The following FKBP1B variants were observed in gnomAD, a reference collection of about 807,000 sequenced individuals.
FKBP1B encodes the protein FKBP prolyl isomerase 1B.
Under a neutral mutation model 13.5 loss-of-function variants are expected in FKBP1B, and 4 were observed. The observed-to-expected ratio is 0.30, with a 90% CI of 0.15 to 0.68. The LOEUF is 0.68. FKBP1B is among the 30% of genes least tolerant of loss of function. FKBP1B has a pLI of 0.76. For synonymous variants in FKBP1B, 54 were observed against 53.6 expected (o/e 1.01, Z -0.03); for missense variants, 93 against 136.2 (o/e 0.68, Z 1.58).
chr2:24,043,474 A>G, the FKBP1B span, among the ~76,000 whole-genome samples: 1 of 150,860 alleles, frequency 6.6e-6, no homozygotes, highest in African/African-American at 2.5e-5. Context: ...ACAACACAGC[A>G]AGATACTGTC....
At chr2:24,039,110 TC>T in the FKBP1B span, 1 of 1,614,118 alleles carries the variant, frequency 6.2e-7, no homozygotes, top group Non-Finnish European at 8.5e-7. Flanking sequence ...GTCAACACAG[TC>T]AGAATAGCAC....
the FKBP1B span, among the ~76,000 whole-genome samples, chr2:24,039,834 G>C: frequency 3.0e-3 from 448 of 151,300 alleles, 2 homozygotes; most frequent in African/African-American, 0.01. Context: ...TCTCACTCTT[G>C]TTGCTCAGGC....
At chr2:24,056,723 T>C (rs773927822) in intron 2 of FKBP1B, among the ~76,000 whole-genome samples, 2 of 151,934 alleles carry the variant, frequency 1.3e-5, no homozygotes. Context: ...AGAGTTTCAC[T>C]CTTGTTGCTC....
chr2:24,044,996 A>G (rs1663567425), upstream of FKBP1B, among the ~76,000 whole-genome samples: 2 of 152,316 alleles, frequency 1.3e-5, no homozygotes, highest in South Asian at 4.1e-4. Context: ...CTCTGATCAT[A>G]AAGGGCATGC....
chr2:24,061,853 C>T (rs1056203855), intron 3 of FKBP1B, among the ~76,000 whole-genome samples: 2 of 151,862 alleles, frequency 1.3e-5, no homozygotes, highest in African/African-American at 4.8e-5. Flanking sequence ...CTATGATGCT[C>T]CCTTACGATA....
At chr2:24,054,113 T>G in intron 2 of FKBP1B, 164 bp downstream of exon 2, 1 of 739,840 alleles carries the variant, frequency 1.4e-6, no homozygotes, top group South Asian at 1.5e-5. Context: ...GCCAGTCTAG[T>G]GGGAATGATA....
At position 24,055,412 on chromosome 2, in the gene FKBP1B, G is replaced by A. The variant is rs945176292; in HGVS notation, c.85+1463G>A. Among the ~76,000 whole-genome samples, 6 of 152,038 alleles carry A rather than the reference G, an allele frequency of 3.9e-5. No individual in the cohort carries two copies. In the South Asian group the frequency reaches 1.2e-3, roughly 32 times the overall value. ...TTTGTAGAGATGAGGGTCTCACTAT[G>A]TTGCCCGGGCTGGTCTCGAACGCCT... On this transcript the variant is annotated intron_variant, in intron 2 of 3. Transcript: ENST00000380986.
Position 24,060,912 on chromosome 2 carries a change from G to A in FKBP1B, c.184G>A (p.Glu62Lys). 2 of 1,613,970 alleles carry A rather than the reference G, an allele frequency of 1.2e-6. No individual in the cohort carries two copies. The highest frequency in any genetic ancestry group is 1.7e-6 in the Non-Finnish European group (2 of 1,179,804). ...GKQEVIKGFE[E>K]GAAQMSLGQR... ...ACAGGAAGTCATCAAAGGTTTTGAA[G>A]AGGGTGCAGCCCAGGTAGGATGAGG... is the stretch of plus-strand genomic sequence containing the variant. The change falls in exon 3 of 4, where the codon GAG becomes AAG. Residue 62 changes from glutamate to lysine, a missense_variant. Physicochemically the swap from Glu to Lys is moderately conservative, Grantham distance 56. Transcript: ENST00000380986.
At chr2:24,034,827 G>A in the FKBP1B span, among the ~76,000 whole-genome samples, 5 of 151,914 alleles carry the variant, frequency 3.3e-5, no homozygotes, top group Admixed American at 6.6e-5. Context: ...TACCCATCTC[G>A]GCCTCCCAAA....
chr2:24,035,534 GA>G, the FKBP1B span, among the ~76,000 whole-genome samples: 1 of 151,756 alleles, frequency 6.6e-6, no homozygotes, highest in South Asian at 2.1e-4. Context: ...AAAGACAGAA[GA>G]AAAAGAAAAC....
At chr2:24,049,511 A>C, upstream of FKBP1B, 2 of 251,560 alleles carry the variant, frequency 8.0e-6, no homozygotes. Context: ...TATTGGACGG[A>C]TGCGCGAATG....
the FKBP1B span, chr2:24,039,023 G>A: frequency 2.6e-5 from 42 of 1,613,996 alleles, 1 homozygote; most frequent in South Asian, 4.4e-5. Flanking sequence ...CAGTGAATGC[G>A]GCCCTGGGTG....
chr2:24,036,852 G>A, the FKBP1B span, among the ~76,000 whole-genome samples: 3 of 152,184 alleles, frequency 2.0e-5, no homozygotes, highest in Non-Finnish European at 2.9e-5. Context: ...AGAAAGTCAC[G>A]AAAGGATCCA....
chr2:24,063,458 G>GTTATTT lies in FKBP1B; in HGVS notation c.*266_*267insTTATTT. On this transcript the variant is annotated 3_prime_UTR_variant, in exon 4 of 4. Transcript: ENST00000380986. The stretch of plus-strand genomic sequence containing the variant: ...GATGCATGTAGTAGCCTTTCCTGAT[G>GTTATTT]ACAGAACACAGATCTCTTGTTCGCA... 2 of 424,254 alleles carry GTTATTT rather than the reference G, an allele frequency of 4.7e-6. No homozygotes were observed. Among genetic ancestry groups the GTTATTT allele is most frequent in the Admixed American group, 4.1e-5 (1 of 24,270 alleles). The allele number at this position is 424,254 out of a possible 1,614,324, so 26.3% of individuals were successfully genotyped here.
chr2:24,038,693 C>G, the FKBP1B span: 14 of 1,614,036 alleles, frequency 8.7e-6, no homozygotes, highest in Admixed American at 2.3e-4. Flanking sequence ...GAATTTGTTT[C>G]AGAATCAGTT....
chr2:24,062,407 G>T (rs546476237), intron 3 of FKBP1B, among the ~76,000 whole-genome samples: 1 of 152,214 alleles, frequency 6.6e-6, no homozygotes, highest in African/African-American at 2.4e-5. Context: ...TCGAACTCCT[G>T]ACCTCAGGTG....
At chr2:24,052,429 C>G (rs1419753888) in intron 1 of FKBP1B, among the ~76,000 whole-genome samples, 2 of 152,132 alleles carry the variant, frequency 1.3e-5, no homozygotes, top group Admixed American at 1.3e-4. Context: ...TTGCTCACTG[C>G]AAATGTGTTG....
At chr2:24,054,605 C>G (rs1365493294) in intron 2 of FKBP1B, 1 of 169,250 alleles carries the variant, frequency 5.9e-6, no homozygotes, top group Non-Finnish European at 1.5e-5. Flanking sequence ...ACTTAGCAGA[C>G]AGCAAGCCCA....
At chr2:24,058,875 G>C (rs1467342687) in intron 2 of FKBP1B, among the ~76,000 whole-genome samples, 4 of 152,184 alleles carry the variant, frequency 2.6e-5, no homozygotes, top group Non-Finnish European at 4.4e-5. Flanking sequence ...GTAGCCAGAA[G>C]GGTTTTCTTC....
Sources: allele counts gnomAD v4.1 joint callset (sites outside exome capture counted in the v4.1 genomes callset), GRCh38; gene constraint gnomAD v4.1.1; transcripts MANE v1.5; gene names NCBI Gene and HGNC (gene_info 2026-07-23, HGNC 2026-07-21).